CIC: variants seen among roughly 807,000 people sequenced by gnomAD.
The protein encoded by CIC is capicua transcriptional repressor.
A neutral mutation model predicts 115.7 loss-of-function variants in CIC; 18 were observed. The observed-to-expected ratio is 0.16, with a 90% CI of 0.11 to 0.23. CIC has a LOEUF of 0.23. CIC is among the 10% of genes least tolerant of loss of function. The pLI is 1.00. For missense variants in CIC, 2,000 were observed against 2,159.3 expected, an observed-to-expected ratio of 0.93 and a Z score of 1.46; for synonymous variants, 1,076 against 923.0, an observed-to-expected ratio of 1.17 and a Z score of -3.01.
rs576776535 is a variant in CIC, at chr19:42,270,050, G to C, written c.-11+669G>C. ...GCAGCTCTGGGGCGAAGAGAGGCTG[G>C]GCCAGGCAGCAAGGTCTAGGGGTCC... On this transcript the variant is annotated intron_variant, in intron 1 of 20. Coordinates refer to ENST00000681038, the MANE Select transcript of CIC (RefSeq NM_001386298.1). The surrounding 1 kb of genome is among the most constrained non-coding windows in gnomAD (Gnocchi z 4.1). Among the ~76,000 whole-genome samples, 2 of 152,276 alleles carry C rather than the reference G, an allele frequency of 1.3e-5. 1 individual carries two copies. The highest frequency in any genetic ancestry group is 6.8e-3 in the Middle Eastern group (2 of 292).
At chr19:42,283,809 C>T (rs938539304) in intron 2 of CIC, among the ~76,000 whole-genome samples, 1 of 152,096 alleles carries the variant, frequency 6.6e-6, no homozygotes, top group African/African-American at 2.4e-5. Flanking sequence ...CCCTGCCACC[C>T]TCCTACCGCG....
At position 42,291,042 on chromosome 19, in the gene CIC, C is replaced by T. The variant is rs772115329; in HGVS notation, c.5001C>T (p.Ala1667=). Reference sequence around the variant, plus strand: ...TGGGCACTGTGGGGAAGGCGCCTGCCACTGTCACTAACCTACTGGTGGGCA... The same window carrying T: ...TGGGCACTGTGGGGAAGGCGCCTGCTACTGTCACTAACCTACTGGTGGGCA... The part of the protein sequence containing the change: ...PLLGTVGKAP[A]TVTNLLVGTP... Residue 1667 remains alanine (A), a synonymous_variant, in exon 11 of 21, where the codon GCC becomes GCT. Transcript: ENST00000681038. 2 of 1,613,852 alleles carry T rather than the reference C, an allele frequency of 1.2e-6. No homozygotes were observed. Among genetic ancestry groups the T allele is most frequent in the African/African-American group, 2.7e-5 (2 of 74,918 alleles).
Position 42,292,707 on chromosome 19 carries a change from C to T in CIC, c.6044C>T (p.Ala2015Val), listed in dbSNP as rs1568523707. 3 of 1,613,846 alleles carry T rather than the reference C, an allele frequency of 1.9e-6. No homozygotes were observed. The highest frequency in any genetic ancestry group is 3.3e-5 in the Admixed American group (2 of 60,028). ...GGCAGCCCTGCACCCACCTCCTCAG[C>T]ACCCCTGGCCCAGCCATCCCAGGCC... is the stretch of plus-strand genomic sequence containing the variant. ...YSGSPAPTSSAPLAQPSQAPP... is the reference protein window; with the variant it reads ...YSGSPAPTSSVPLAQPSQAPP... The change falls in exon 15 of 21, where the codon GCA becomes GTA. Residue 2015 changes from alanine (A) to valine (V), a missense_variant. Coordinates refer to ENST00000681038, the MANE Select transcript of CIC (RefSeq NM_001386298.1).
At chr19:42,286,734 T>G (rs1310432363) in intron 2 of CIC, 37 bp from the exon 3 acceptor site, 2 of 1,613,260 alleles carry the variant, frequency 1.2e-6, no homozygotes, top group Non-Finnish European at 8.5e-7. Context: ...GGGGCCAGGC[T>G]CTCCTGCTGC....
intron 2 of CIC, among the ~76,000 whole-genome samples, chr19:42,286,535 G>T (rs1162671569): frequency 1.3e-5 from 2 of 151,930 alleles, no homozygotes; most frequent in Non-Finnish European, 2.9e-5. Flanking sequence ...GGGAGGAGTG[G>T]GGCGTGAGTA....
At chr19:42,288,603 GCCAGC>G (rs2037836904) in intron 7 of CIC, among the ~76,000 whole-genome samples, 1 of 152,178 alleles carries the variant, frequency 6.6e-6, no homozygotes, top group African/African-American at 2.4e-5. Context: ...CGAGGCTCAG[GCCAGC>G]GGTTGGCTAG....
Position 42,270,278 on chromosome 19 carries a change from A to C in CIC, c.-11+897A>C, listed in dbSNP as rs1330684817. On this transcript the variant is annotated intron_variant, in intron 1 of 20. Coordinates refer to ENST00000681038, the MANE Select transcript of CIC (RefSeq NM_001386298.1). This position sits in a 1 kb window ranked among gnomAD's most constrained non-coding sequence, Gnocchi z 4.1. ...CTGTGAGGACCCCAGGATTGGCCCA[A>C]GAAAGGGCAGGCCTGGGACTCCAGG... is the stretch of plus-strand genomic sequence containing the variant. 6.6e-6 allele frequency among the ~76,000 whole-genome samples: 1 copy of C among 152,088 alleles called. No homozygotes were observed. Among genetic ancestry groups the C allele is most frequent in the Non-Finnish European group, 1.5e-5 (1 of 67,986 alleles).
Position 42,272,050 on chromosome 19 carries a change from A to G in CIC, c.267A>G (p.Pro89=). Residue 89 remains proline (P), a synonymous_variant, in exon 2 of 21, where the codon CCA becomes CCG. Coordinates refer to ENST00000681038, the MANE Select transcript of CIC (RefSeq NM_001386298.1). ...ACCCTGGCGACCCGGCTCCAGGCCC[A>G]GCAGAGGACCCCAAAGGGGATGGGG... The part of the protein sequence containing the change: ...ELHPGDPAPG[P]AEDPKGDGEA... 1 of 398,766 alleles carries G rather than the reference A, an allele frequency of 2.5e-6. No homozygotes were observed. The highest frequency in any genetic ancestry group is 4.4e-6 in the Non-Finnish European group (1 of 226,130). The allele number at this position is 398,766 out of a possible 1,614,324, so 24.7% of individuals were successfully genotyped here.
At chr19:42,283,548 G>A (rs546203098) in intron 2 of CIC, among the ~76,000 whole-genome samples, 3 of 152,142 alleles carry the variant, frequency 2.0e-5, no homozygotes, top group Non-Finnish European at 4.4e-5. Flanking sequence ...AAGTGTGTCT[G>A]TATGTCTGTG....
Position 42,286,816 on chromosome 19 carries a change from A to G in CIC, c.2840A>G (p.His947Arg). 6.2e-7 allele frequency: 1 copy of G among 1,613,032 alleles called. No homozygotes were observed. The highest frequency in any genetic ancestry group is 8.5e-7 in the Non-Finnish European group (1 of 1,179,694). Residue 947 changes from histidine (H) to arginine (R), a missense_variant, in exon 3 of 21, where the codon CAC becomes CGC. Physicochemically the swap from His to Arg is conservative, Grantham distance 29. Around this residue, in one of 8 missense-constraint regions of CIC, gnomAD observed 222 missense variants for 247.7 expected, o/e 0.90. Coordinates refer to ENST00000681038, the MANE Select transcript of CIC (RefSeq NM_001386298.1). Reference sequence around the variant, plus strand: ...CGCTCTGTGGCTGTGTTCCCTTGGCACTCCTTAGTCCCCTTCCTGGCACCC... The same window carrying G: ...CGCTCTGTGGCTGTGTTCCCTTGGCGCTCCTTAGTCCCCTTCCTGGCACCC... ...EPRSVAVFPW[H>R]SLVPFLAPSQ...
chr19:42,273,126 G>A lies in CIC; in HGVS notation c.1343G>A (p.Ser448Asn), dbSNP rs1052539855. ...GEQPSPCQEG[S>N]QGGSRSSSVA... ...CAGCCCTCGCCCTGCCAGGAGGGGA[G>A]CCAGGGCGGCAGCCGCAGCAGCAGC... Residue 448 changes from serine to asparagine, a missense_variant, in exon 2 of 21, where the codon AGC (serine) becomes AAC (asparagine). Ser to Asn is a conservative substitution (Grantham distance 46). This residue lies in a region of CIC where 222 missense variants were observed against 247.7 expected (regional missense o/e 0.90). Coordinates refer to ENST00000681038, the MANE Select transcript of CIC (RefSeq NM_001386298.1). The A allele has an allele frequency of 2.0e-5, 8 of 398,494 alleles. No homozygotes were observed. Among genetic ancestry groups the A allele is most frequent in the Admixed American group, 8.8e-5 (2 of 22,718 alleles). The allele number at this position is 398,494 out of a possible 1,614,324, so 24.7% of individuals were successfully genotyped here.
At chr19:42,284,621 A>C in intron 2 of CIC, 2 of 951,474 alleles carry the variant, frequency 2.1e-6, no homozygotes. Flanking sequence ...CCAAGCGGCG[A>C]CGGCCGAGGA....
At position 42,295,454 on chromosome 19, in the gene CIC, A is replaced by G. The variant is rs1450558709; in HGVS notation, c.*263A>G. Reference sequence around the variant, plus strand: ...GAGCGTGTGACCTTCAGAGCTTTTCACTTTATGCAAAATGGCTCCTGTGAG... The same window carrying G: ...GAGCGTGTGACCTTCAGAGCTTTTCGCTTTATGCAAAATGGCTCCTGTGAG... On this transcript the variant is annotated 3_prime_UTR_variant, in exon 21 of 21. Coordinates refer to ENST00000681038, the MANE Select transcript of CIC (RefSeq NM_001386298.1). 6.7e-6 allele frequency: 3 copies of G among 445,670 alleles called. No individual in the cohort carries two copies. The highest frequency in any genetic ancestry group is 6.6e-5 in the South Asian group (2 of 30,188). 27.6% of individuals were successfully genotyped at this position (445,670 alleles called of 1,614,324 possible).
Position 42,269,305 on chromosome 19 carries a change from G to GA in CIC, c.-86dup, listed in dbSNP as rs1364407368. The GA allele has an allele frequency of 6.6e-6, 1 of 150,418 alleles. No homozygotes were observed. Among genetic ancestry groups the GA allele is most frequent in the Non-Finnish European group, 1.5e-5 (1 of 67,428 alleles). 9.3% of individuals were successfully genotyped at this position (150,418 alleles called of 1,614,324 possible). A position where few individuals can be genotyped will look rare whatever the true frequency, so the allele number is the denominator to read the frequency against. On this transcript the variant is annotated 5_prime_UTR_variant, in exon 1 of 21. Transcript: ENST00000681038. ...AAGGGAGAATCGAGAGGGAGAGCCG[G>GA]AGGGGGGGCGGGGAGGGACCGGACC...
At chr19:42,286,549 T>C (rs539749581) in intron 2 of CIC, among the ~76,000 whole-genome samples, 1 of 151,866 alleles carries the variant, frequency 6.6e-6, no homozygotes, top group Admixed American at 6.5e-5. Context: ...GTGAGTACTA[T>C]TTCCCTTCCC....
In CIC at chr19:42,292,437, G is replaced by A. The variant is rs1012930800; in HGVS notation, c.5873G>A (p.Gly1958Asp). Residue 1958 changes from glycine to aspartate, a missense_variant, in exon 14 of 21, where the codon GGC (glycine) becomes GAC (aspartate). Gly to Asp is a moderately conservative substitution (Grantham distance 94). Transcript: ENST00000681038. ...ALGFTSLGPS[G>D]PAFVQPLLSA... ...GGCTTCACCTCGCTGGGGCCCAGCG[G>A]CCCCGCCTTCGTGCAGCCCCTGCTC... The A allele has an allele frequency of 1.5e-5, 24 of 1,611,188 alleles. No individual in the cohort carries two copies. The highest frequency in any genetic ancestry group is 2.0e-5 in the Non-Finnish European group (23 of 1,178,706).
Position 42,293,221 on chromosome 19 carries a change from C to T in CIC, c.6462C>T (p.Ser2154=), listed in dbSNP as rs2147324020. 6.3e-7 allele frequency: 1 copy of T among 1,596,200 alleles called. No homozygotes were observed. Among genetic ancestry groups the T allele is most frequent in the Non-Finnish European group, 8.5e-7 (1 of 1,172,674 alleles). ...AGACCTGGACTCCCACGGCCCGGAG[C>T]AGCCCCCCACTGCCCCCACCTGCTG... ...LPETWTPTAR[S]SPPLPPPAEE... Residue 2154 remains serine, a synonymous_variant, in exon 16 of 21, where the codon AGC becomes AGT. Transcript: ENST00000681038.
In CIC at chr19:42,294,804, C is replaced by T; in HGVS notation, c.7187-20C>T. 2 of 1,605,668 alleles carry T rather than the reference C, an allele frequency of 1.2e-6. No homozygotes were observed. Among genetic ancestry groups the T allele is most frequent in the Non-Finnish European group, 1.7e-6 (2 of 1,179,966 alleles). The stretch of plus-strand genomic sequence containing the variant: ...TCTGTACATCTCATCCTGTGCTCCC[C>T]ACCGTTTTTCTATCTCCAGCCCAGG... On this transcript the variant is annotated intron_variant, in intron 20 of 20. Coordinates refer to ENST00000681038, the MANE Select transcript of CIC (RefSeq NM_001386298.1).
At chr19:42,284,630 G>A (rs1423213666) in intron 2 of CIC, 1 of 1,178,986 alleles carries the variant, frequency 8.5e-7, no homozygotes, top group Non-Finnish European at 1.2e-6. Flanking sequence ...GACGGCCGAG[G>A]AGCGGGCTGC....
Sources: gnomAD v4.1 joint callset for allele counts (sites outside exome capture counted in the v4.1 genomes callset) on GRCh38, gnomAD v4.1.1 for gene constraint, gnomAD v4.1.1 regional missense constraint, Gnocchi (gnomAD v3.1) non-coding constraint, MANE v1.5 for transcripts, NCBI Gene and HGNC (gene_info 2026-07-23, HGNC 2026-07-21) for gene names.